Variants in TBX20 observed in about 807,000 individuals in gnomAD.
TBX20 encodes T-box transcription factor TBX20.
TBX20 carries 8 observed loss-of-function variants against 42.9 expected under a neutral mutation model. That is an observed-to-expected ratio of 0.19 (90% CI 0.11 to 0.34). The LOEUF (loss-of-function observed/expected upper bound fraction) is 0.34. Among genes scored for constraint, TBX20 ranks in the 10% least tolerant of loss-of-function variants. The pLI is 1.00. For synonymous variants in TBX20, 198 were observed against 222.8 expected (o/e 0.89, Z 0.99); for missense variants, 411 against 566.0 (o/e 0.73, Z 2.78).
chr7:35,237,754 G>C (rs1207491827), intron 5 of TBX20, among the ~76,000 whole-genome samples: 1 of 152,120 alleles, frequency 6.6e-6, no homozygotes, highest in African/African-American at 2.4e-5. Flanking sequence ...TGTCATTAAA[G>C]ATGTGGTTCC....
intron 6 of TBX20, among the ~76,000 whole-genome samples, chr7:35,224,861 T>C (rs1789744323): frequency 6.6e-6 from 1 of 152,008 alleles, no homozygotes; most frequent in Non-Finnish European, 1.5e-5. Context: ...ATTGCTTTGG[T>C]ATAATAAAGA....
At chr7:35,223,882 G>A (rs979695189) in intron 6 of TBX20, among the ~76,000 whole-genome samples, 3 of 152,190 alleles carry the variant, frequency 2.0e-5, no homozygotes, top group African/African-American at 7.2e-5. Flanking sequence ...AGAAAGGGTT[G>A]TTTTCTTCTT....
At chr7:35,225,966 A>G (rs2128712756) in intron 6 of TBX20, among the ~76,000 whole-genome samples, 1 of 152,338 alleles carries the variant, frequency 6.6e-6, no homozygotes, top group Admixed American at 6.5e-5. Context: ...AAGAACTAGT[A>G]TGCATAAGAA....
intron 7 of TBX20, among the ~76,000 whole-genome samples, chr7:35,203,998 T>C (rs1209858373): frequency 1.3e-5 from 2 of 152,248 alleles, no homozygotes; most frequent in African/African-American, 4.8e-5. Context: ...CCACTTCCTC[T>C]ATGTAATATC....
intron 6 of TBX20, among the ~76,000 whole-genome samples, chr7:35,216,131 T>C (rs1407646451): frequency 6.6e-6 from 1 of 152,212 alleles, no homozygotes; most frequent in Admixed American, 6.5e-5. Flanking sequence ...GTAATACTAC[T>C]ACTTTCTTGA....
intron 6 of TBX20, among the ~76,000 whole-genome samples, chr7:35,219,639 G>T (rs1206237327): frequency 1.3e-4 from 20 of 152,246 alleles, no homozygotes; most frequent in African/African-American, 4.8e-4. Context: ...CCAGCCTAGA[G>T]CTGTGTTAGA....
intron 6 of TBX20, among the ~76,000 whole-genome samples, chr7:35,205,765 C>T (rs2392355): frequency 6.6e-6 from 1 of 151,874 alleles, no homozygotes; most frequent in East Asian, 1.9e-4. Flanking sequence ...AAGGATATGC[C>T]TAAAAGGAAA....
chr7:35,250,824 A>G (rs891907275), intron 1 of TBX20, among the ~76,000 whole-genome samples: 2 of 152,248 alleles, frequency 1.3e-5, no homozygotes, highest in Admixed American at 6.5e-5. Flanking sequence ...GATGAGAGTT[A>G]GAACATTTTT....
rs768739120 is a variant in TBX20 at position 35,204,581 on chromosome 7, C to T, written c.892G>A (p.Glu298Lys). 6.2e-7 allele frequency: 1 copy of T among 1,611,432 alleles called. No individual in the cohort carries two copies. The highest frequency in any genetic ancestry group is 8.5e-7 in the Non-Finnish European group (1 of 1,177,794). Residue 298 changes from glutamate to lysine, a missense_variant and splice_region_variant, in exon 7 of 8, where the codon GAA becomes AAA. Glu to Lys is a moderately conservative substitution (Grantham distance 56). Transcript: ENST00000408931. ...TTTTGAATCAGGCTCTCCACACTTT[C>T]CCTAGGTTAGAGTGACATATCACAG... ...DSSRLTDIERESVESLIQKHS... is the reference protein window; with the variant it reads ...DSSRLTDIERKSVESLIQKHS...
Position 35,227,596 on chromosome 7 carries a change from A to T in TBX20, c.890+3908T>A, listed in dbSNP as rs192696183. ...ATCAATAGGCCATACCAAATAGCCTACGTGTGTAGTAGGCTGTACCATCTG... is the reference window on the plus strand; with the variant it reads ...ATCAATAGGCCATACCAAATAGCCTTCGTGTGTAGTAGGCTGTACCATCTG... On this transcript the variant is annotated intron_variant, in intron 6 of 7. Coordinates refer to ENST00000408931, the MANE Select transcript of TBX20 (RefSeq NM_001077653.2). 1.6e-3 allele frequency among the ~76,000 whole-genome samples: 247 copies of T among 152,290 alleles called. 1 individual carries two copies. The highest frequency in any genetic ancestry group is 5.8e-3 in the African/African-American group (243 of 41,566).
chr7:35,221,965 G>A (rs1177700153), intron 6 of TBX20, among the ~76,000 whole-genome samples: 1 of 152,158 alleles, frequency 6.6e-6, no homozygotes, highest in Admixed American at 6.5e-5. Context: ...TGAGGGAGGA[G>A]TAGTATCCTA....
At chr7:35,245,114 G>C in intron 3 of TBX20, 57 bp from the exon 4 acceptor site, 1 of 1,290,978 alleles carries the variant, frequency 7.7e-7, no homozygotes. Context: ...TGTCTCTGTA[G>C]GTTATAAAAT....
intron 6 of TBX20, among the ~76,000 whole-genome samples, chr7:35,224,494 G>A (rs1294596362): frequency 2.6e-5 from 4 of 152,220 alleles, no homozygotes; most frequent in Non-Finnish European, 4.4e-5. Flanking sequence ...CCAACATGGA[G>A]AAACTCTGTC....
rs748868769 is a variant in TBX20, at chr7:35,250,061, G to A, written c.270C>T (p.Pro90=). The change falls in exon 2 of 8, where the codon CCC becomes CCT. Residue 90 remains proline, a synonymous_variant. Transcript: ENST00000408931. ...LCTEPLIPTT[P]IIPSEEMAKI... ...TGGCCATTTCCTCACTGGGGATGAT[G>A]GGGGTGGTGGGGATCAGTGGCTCAG... 1.1e-5 allele frequency: 17 copies of A among 1,614,006 alleles called. No homozygotes were observed. The East Asian group carries it at 3.8e-4, about 36-fold the overall frequency.
chr7:35,231,906 G>A (rs1789873950), intron 5 of TBX20, among the ~76,000 whole-genome samples: 1 of 152,110 alleles, frequency 6.6e-6, no homozygotes, highest in African/African-American at 2.4e-5. Flanking sequence ...CAAAGGCTAG[G>A]GCTGAACAGA....
Position 35,250,016 on chromosome 7 carries a change from C to T in TBX20, c.315G>A (p.Glu105=), listed in dbSNP as rs1231699746. ...EEMAKIACSL[E]TKELWDKFHE... ...GGAATTTGTCCCAAAGCTCCTTGGT[C>T]TCCAGGCTGCAGGCAATTTTGGCCA... is the stretch of plus-strand genomic sequence containing the variant. The change falls in exon 2 of 8, where the codon GAG becomes GAA. Residue 105 remains glutamate, a synonymous_variant. Transcript: ENST00000408931. 1 of 1,613,944 alleles carries T rather than the reference C, an allele frequency of 6.2e-7. No homozygotes were observed. Among genetic ancestry groups the T allele is most frequent in the Admixed American group, 1.7e-5 (1 of 60,014 alleles).
chr7:35,227,370 A>C (rs1789790900), intron 6 of TBX20, among the ~76,000 whole-genome samples: 1 of 152,132 alleles, frequency 6.6e-6, no homozygotes. Flanking sequence ...ATATTCACTG[A>C]CCGCTCACCC....
intron 6 of TBX20, among the ~76,000 whole-genome samples, chr7:35,224,462 C>G (rs1001189369): frequency 1.3e-5 from 2 of 152,196 alleles, no homozygotes; most frequent in African/African-American, 4.8e-5. Context: ...GACCTGAGGT[C>G]AGGAGTTCAA....
intron 7 of TBX20, among the ~76,000 whole-genome samples, chr7:35,203,923 G>A (rs1432912557): frequency 6.6e-6 from 1 of 152,242 alleles, no homozygotes; most frequent in East Asian, 1.9e-4. Context: ...CCCAGATGCA[G>A]AGGGCTGCTC....
Sources: allele counts gnomAD v4.1 joint callset (sites outside exome capture counted in the v4.1 genomes callset), GRCh38; gene constraint gnomAD v4.1.1; transcripts MANE v1.5; gene names NCBI Gene and HGNC (gene_info 2026-07-23, HGNC 2026-07-21).